The following NUB1 variants were observed in gnomAD, a reference collection of about 807,000 sequenced individuals.
NUB1 encodes negative regulator of ubiquitin like proteins 1.
NUB1 carries 41 observed loss-of-function variants against 77.1 expected under a neutral mutation model. That is an observed-to-expected ratio of 0.53 (90% CI 0.41 to 0.69). The LOEUF is 0.69. Ranked by LOEUF, NUB1 falls within the 30% of genes least tolerant of loss-of-function variation. NUB1 has a pLI of 0.00. For missense variants in NUB1, 643 were observed against 743.8 expected (o/e 0.86, Z 1.58); for synonymous variants, 257 against 281.0 (o/e 0.91, Z 0.85).
chr7:151,348,037 C>A (rs1474027559), intron 2 of NUB1, among the ~76,000 whole-genome samples: 4 of 152,098 alleles, frequency 2.6e-5, no homozygotes, highest in African/African-American at 9.7e-5. Context: ...TGCTTTATAC[C>A]TACTAGTTGG....
At chr7:151,365,660 G>A (rs1797639212) in intron 8 of NUB1, among the ~76,000 whole-genome samples, 1 of 152,318 alleles carries the variant, frequency 6.6e-6, no homozygotes, top group East Asian at 1.9e-4. Context: ...TAGATTTGGA[G>A]AAAGCACCCC....
intron 7 of NUB1, among the ~76,000 whole-genome samples, chr7:151,358,975 G>A (rs1443863302): frequency 6.6e-6 from 1 of 151,866 alleles, no homozygotes; most frequent in Non-Finnish European, 1.5e-5. Flanking sequence ...TGAGGTGGAA[G>A]AATGGCGTGA....
chr7:151,371,599 G>A (rs577640976), intron 11 of NUB1, among the ~76,000 whole-genome samples: 2 of 152,286 alleles, frequency 1.3e-5, no homozygotes, highest in South Asian at 4.1e-4. Context: ...TCAGGGAGGG[G>A]TAGAATGGGT....
intron 7 of NUB1, among the ~76,000 whole-genome samples, chr7:151,358,403 G>A (rs1296306745): frequency 1.3e-5 from 2 of 152,212 alleles, no homozygotes; most frequent in Non-Finnish European, 2.9e-5. Flanking sequence ...GTACCAGTCC[G>A]TGGCTTGTTA....
intron 1 of NUB1, among the ~76,000 whole-genome samples, chr7:151,343,689 T>C (rs893331904): frequency 6.6e-6 from 1 of 152,170 alleles, no homozygotes; most frequent in Admixed American, 6.6e-5. Flanking sequence ...TCGCGGTACA[T>C]ACTTCTCTGG....
At position 151,368,780 on chromosome 7, in the gene NUB1, G is replaced by A. The variant is rs541786679; in HGVS notation, c.1141G>A (p.Asp381Asn). Reference protein sequence around the residue: ...KELYIDPSKVDNLLQLGFTAQ... With the variant: ...KELYIDPSKVNNLLQLGFTAQ... ...GCTATATATTGATCCATCAAAAGTG[G>A]ACAATTTGTTGCAGTTGGGGTTTAC... The change falls in exon 11 of 15, where the codon GAC (aspartate) becomes AAC (asparagine). Residue 381 changes from aspartate to asparagine, a missense_variant. Coordinates refer to ENST00000568733, the MANE Select transcript of NUB1 (RefSeq NM_001243351.2). The A allele has an allele frequency of 1.9e-6, 3 of 1,613,900 alleles. No individual in the cohort carries two copies. The highest frequency in any genetic ancestry group is 2.5e-6 in the Non-Finnish European group (3 of 1,179,890).
At chr7:151,361,552 A>G (rs1241724577) in intron 8 of NUB1, among the ~76,000 whole-genome samples, 2 of 152,258 alleles carry the variant, frequency 1.3e-5, no homozygotes, top group South Asian at 2.1e-4. Flanking sequence ...GACATATTCA[A>G]CATTTGAAAA....
chr7:151,360,224 G>A lies in NUB1; in HGVS notation c.777G>A (p.Leu259=). The change falls in exon 8 of 15, where the codon CTG becomes CTA. Residue 259 remains leucine (L), a synonymous_variant. Coordinates refer to ENST00000568733, the MANE Select transcript of NUB1 (RefSeq NM_001243351.2). ...RKEYGIALPC[L]LDADKYFCEC... ...AATATGGAATAGCCTTGCCATGTCTGTTGGACGCTGACAAATATTTCTGGT... is the reference window on the plus strand; with the variant it reads ...AATATGGAATAGCCTTGCCATGTCTATTGGACGCTGACAAATATTTCTGGT... The A allele has an allele frequency of 6.2e-7, 1 of 1,606,088 alleles. No individual in the cohort carries two copies.
intron 11 of NUB1, among the ~76,000 whole-genome samples, 166 bp from the exon 12 acceptor site, chr7:151,373,931 C>T (rs531031165): frequency 1.3e-5 from 2 of 152,322 alleles, no homozygotes; most frequent in African/African-American, 4.8e-5. Flanking sequence ...CTCTGTGGCA[C>T]CTCTGCCATT....
chr7:151,350,151 G>A (rs1032439816), intron 3 of NUB1, among the ~76,000 whole-genome samples: 1 of 152,242 alleles, frequency 6.6e-6, no homozygotes, highest in Non-Finnish European at 1.5e-5. Flanking sequence ...TTCACTTTCT[G>A]CTGCTGCTAT....
At position 151,354,522 on chromosome 7, in the gene NUB1, TTTTG is replaced by T. The variant is rs1367016755; in HGVS notation, c.416-1242_416-1239del. Among the ~76,000 whole-genome samples the T allele has an allele frequency of 1.3e-4, 20 of 152,328 alleles. 1 individual carries two copies. Among genetic ancestry groups the T allele is most frequent in the Non-Finnish European group, 2.6e-4 (18 of 68,032 alleles). On this transcript the variant is annotated intron_variant, in intron 5 of 14. Transcript: ENST00000568733. Reference sequence around the variant, plus strand: ...TTGCATCTATGTTTACCCTTTTTTATTTTGTTTATTTGCATCTTTGACATAATTT... The same window carrying T: ...TTGCATCTATGTTTACCCTTTTTTATTTTATTTGCATCTTTGACATAATTT...
At chr7:151,375,177 A>G (rs1798158060) in intron 12 of NUB1, among the ~76,000 whole-genome samples, 7 of 152,230 alleles carry the variant, frequency 4.6e-5, no homozygotes, top group Admixed American at 4.6e-4. Context: ...TCCACAAGTC[A>G]GTACTTTTGT....
intron 1 of NUB1, chr7:151,342,082 G>C (rs893892759): frequency 1.8e-6 from 1 of 559,420 alleles, no homozygotes; most frequent in South Asian, 5.9e-5. Flanking sequence ...GTTAGGCAGA[G>C]GTGTGGGGTA....
intron 8 of NUB1, among the ~76,000 whole-genome samples, chr7:151,365,913 T>C (rs1797657898): frequency 2.0e-5 from 3 of 151,954 alleles, no homozygotes; most frequent in Non-Finnish European, 1.5e-5. Context: ...TCCATGCATA[T>C]TTTGATAGGC....
In NUB1 at chr7:151,351,493, G is replaced by T. The variant is rs1796793410; in HGVS notation, c.344+11G>T. On this transcript the variant is annotated intron_variant, in intron 4 of 14. Transcript: ENST00000568733. Reference sequence around the variant, plus strand: ...AGAACTGAGGTCCAAGTAAGTATCTGTGTGCTCTGTGTCCTAGGTGCTCTG... The same window carrying T: ...AGAACTGAGGTCCAAGTAAGTATCTTTGTGCTCTGTGTCCTAGGTGCTCTG... 6.2e-7 allele frequency: 1 copy of T among 1,604,772 alleles called. No homozygotes were observed. The highest frequency in any genetic ancestry group is 8.5e-7 in the Non-Finnish European group (1 of 1,172,634).
chr7:151,376,405 G>A (rs959872729), intron 13 of NUB1: 10 of 542,196 alleles, frequency 1.8e-5, no homozygotes, highest in Non-Finnish European at 2.9e-5. Context: ...CGAGGTCACT[G>A]CCTGTCCTGA....
chr7:151,368,604 A>T, intron 10 of NUB1, 131 bp from the exon 11 acceptor site: 5 of 1,039,238 alleles, frequency 4.8e-6, no homozygotes, highest in Non-Finnish European at 6.8e-6. Flanking sequence ...GGCCTAGTTT[A>T]GAGATTTTAT....
Position 151,367,914 on chromosome 7 carries a change from G to A in NUB1, c.1041G>A (p.Gly347=), listed in dbSNP as rs1018503598. The A allele has an allele frequency of 6.2e-7, 1 of 1,601,890 alleles. No homozygotes were observed. The highest frequency in any genetic ancestry group is 1.7e-5 in the Admixed American group (1 of 58,414). Reference sequence around the variant, plus strand: ...TTCTAAGACTCTACTTACTTCAAGGGATCCGAAACTATCACAGTGGAAATG... The same window carrying A: ...TTCTAAGACTCTACTTACTTCAAGGAATCCGAAACTATCACAGTGGAAATG... ...VLFLRLYLLQ[G]IRNYHSGNDV... Residue 347 remains glycine (G), a synonymous_variant, in exon 10 of 15, where the codon GGG becomes GGA. Transcript: ENST00000568733.
At chr7:151,364,548 G>A (rs1297786891) in intron 8 of NUB1, among the ~76,000 whole-genome samples, 3 of 152,022 alleles carry the variant, frequency 2.0e-5, no homozygotes, top group African/African-American at 7.2e-5. Flanking sequence ...TTTTTGAGAC[G>A]GAGTCTCGCT....
Sources: allele counts gnomAD v4.1 joint callset (sites outside exome capture counted in the v4.1 genomes callset), GRCh38; gene constraint gnomAD v4.1.1; transcripts MANE v1.5; gene names NCBI Gene and HGNC (gene_info 2026-07-23, HGNC 2026-07-21).